Variants in HNF4G observed in about 807,000 individuals in gnomAD.
HNF4G encodes hepatocyte nuclear factor 4 gamma, also known as hepatocyte nuclear factor 4-gamma.
HNF4G carries 21 observed loss-of-function variants against 50.9 expected under a neutral mutation model. That is an observed-to-expected ratio of 0.41 (90% CI 0.29 to 0.59). The LOEUF (loss-of-function observed/expected upper bound fraction) is 0.59, where lower values mean the gene tolerates loss of function less well. Among genes scored for constraint, HNF4G ranks in the 20% least tolerant of loss-of-function variants. HNF4G has a pLI of 0.26. For missense variants in HNF4G, 527 were observed against 559.4 expected, an observed-to-expected ratio of 0.94 and a Z score of 0.58; for synonymous variants, 198 against 185.6, an observed-to-expected ratio of 1.07 and a Z score of -0.54.
At chr8:75,498,525 A>G (rs1206385790) in intron 2 of HNF4G, among the ~76,000 whole-genome samples, 2 of 152,126 alleles carry the variant, frequency 1.3e-5, no homozygotes, top group Admixed American at 1.3e-4. Context: ...CCAAAAATTG[A>G]AAAGAAGGAA....
intron 2 of HNF4G, among the ~76,000 whole-genome samples, chr8:75,534,103 A>G (rs761946101): frequency 6.6e-6 from 1 of 151,800 alleles, no homozygotes; most frequent in Non-Finnish European, 1.5e-5. Flanking sequence ...CCTTCCCTTC[A>G]TTTTGCATAA....
intron 5 of HNF4G, among the ~76,000 whole-genome samples, chr8:75,554,614 A>G (rs562966307): frequency 4.9e-4 from 75 of 152,276 alleles, no homozygotes; most frequent in African/African-American, 1.7e-3. Flanking sequence ...AATTCATCAA[A>G]TGAATATTTA....
intron 1 of HNF4G, among the ~76,000 whole-genome samples, chr8:75,467,741 C>T (rs930519534): frequency 1.3e-5 from 2 of 151,688 alleles, no homozygotes; most frequent in African/African-American, 4.8e-5. Flanking sequence ...TATTTTACTT[C>T]CTTCTTCTAG....
chr8:75,506,721 CT>C (rs1235454720), intron 2 of HNF4G, among the ~76,000 whole-genome samples: 1 of 152,172 alleles, frequency 6.6e-6, no homozygotes, highest in East Asian at 1.9e-4. Context: ...CTAAATTCCA[CT>C]TTTCTTCTCC....
chr8:75,556,270 C>T (rs1318061452), intron 6 of HNF4G, among the ~76,000 whole-genome samples: 1 of 151,840 alleles, frequency 6.6e-6, no homozygotes, highest in Non-Finnish European at 1.5e-5. Context: ...GTCCATGAGA[C>T]AATCAGGGAG....
intron 2 of HNF4G, among the ~76,000 whole-genome samples, chr8:75,522,305 A>C (rs1355953538): frequency 6.6e-6 from 1 of 152,230 alleles, no homozygotes; most frequent in Non-Finnish European, 1.5e-5. Context: ...CTTGGAATAT[A>C]CCAGAGTATA....
intron 1 of HNF4G, among the ~76,000 whole-genome samples, chr8:75,409,028 C>T (rs1554564241): frequency 6.6e-6 from 1 of 152,194 alleles, no homozygotes; most frequent in Non-Finnish European, 1.5e-5. Context: ...CCTGTCCCCA[C>T]CTCCTCACCA....
intron 8 of HNF4G, 119 bp downstream of exon 8, chr8:75,559,156 AT>A: frequency 6.8e-6 from 5 of 732,944 alleles, no homozygotes; most frequent in South Asian, 3.3e-5. Flanking sequence ...ATGCTCCTGA[AT>A]TTTTTTCCTT....
intron 2 of HNF4G, among the ~76,000 whole-genome samples, chr8:75,507,494 C>T (rs966538506): frequency 2.6e-5 from 4 of 152,120 alleles, no homozygotes; most frequent in Admixed American, 2.0e-4. Flanking sequence ...CTCTTGACCT[C>T]GTGATCCACC....
chr8:75,457,812 G>T (rs990524670), intron 1 of HNF4G, among the ~76,000 whole-genome samples: 4 of 151,986 alleles, frequency 2.6e-5, no homozygotes, highest in Non-Finnish European at 4.4e-5. Context: ...ATTTACTGTA[G>T]ACAGGGATGC....
chr8:75,440,627 AC>A (rs1159033230), intron 1 of HNF4G, among the ~76,000 whole-genome samples: 1 of 152,120 alleles, frequency 6.6e-6, no homozygotes, highest in African/African-American at 2.4e-5. Context: ...GAAAAGGTAT[AC>A]CTTGTCCTGA....
upstream of HNF4G, among the ~76,000 whole-genome samples, chr8:75,534,933 C>A (rs967341560): frequency 6.6e-6 from 1 of 151,370 alleles, no homozygotes; most frequent in African/African-American, 2.4e-5. Flanking sequence ...TTCAACAAAT[C>A]GAGGACAGGA....
intron 1 of HNF4G, among the ~76,000 whole-genome samples, chr8:75,478,142 T>C (rs575967227): frequency 3.8e-4 from 57 of 151,946 alleles, no homozygotes; most frequent in Admixed American, 1.2e-3. Context: ...CGGAACCCCG[T>C]ATCTACAAAA....
intron 2 of HNF4G, among the ~76,000 whole-genome samples, chr8:75,505,495 T>C (rs905543833): frequency 1.3e-5 from 2 of 152,174 alleles, no homozygotes; most frequent in Non-Finnish European, 2.9e-5. Context: ...GTCTCAAAAG[T>C]TTGGGACCTT....
intron 1 of HNF4G, among the ~76,000 whole-genome samples, chr8:75,466,559 C>T (rs1263863889): frequency 6.9e-6 from 1 of 145,442 alleles, no homozygotes; most frequent in Non-Finnish European, 1.5e-5. Flanking sequence ...TTCTTCTCTT[C>T]TCTTTTCTCG....
At chr8:75,559,548 A>C (rs937144865) in intron 8 of HNF4G, among the ~76,000 whole-genome samples, 1 of 152,156 alleles carries the variant, frequency 6.6e-6, no homozygotes, top group Non-Finnish European at 1.5e-5. Context: ...CTGGGAATAC[A>C]GGCGTGAGCC....
chr8:75,459,290 A>T (rs1404135395), intron 1 of HNF4G, among the ~76,000 whole-genome samples: 3 of 152,200 alleles, frequency 2.0e-5, no homozygotes, highest in African/African-American at 7.2e-5. Context: ...ATATTCATAA[A>T]GTGTCATGAG....
intron 1 of HNF4G, among the ~76,000 whole-genome samples, chr8:75,423,406 C>G (rs1202650974): frequency 7.8e-6 from 1 of 127,476 alleles, no homozygotes; most frequent in Non-Finnish European, 1.5e-5. Flanking sequence ...GTGGCACGAT[C>G]TGGGGCGATC....
At chr8:75,534,061 T>C (rs867570256) in intron 2 of HNF4G, among the ~76,000 whole-genome samples, 10 of 151,894 alleles carry the variant, frequency 6.6e-5, no homozygotes, top group South Asian at 4.1e-4. Context: ...CAGAACAGAT[T>C]TGCAATAGGT....
Sources: gnomAD v4.1 joint callset for allele counts (sites outside exome capture counted in the v4.1 genomes callset) on GRCh38, gnomAD v4.1.1 for gene constraint, MANE v1.5 for transcripts, NCBI Gene and HGNC (gene_info 2026-07-23, HGNC 2026-07-21) for gene names.